SMYD3: variants seen among roughly 807,000 people sequenced by gnomAD.
The protein encoded by SMYD3 is SET and MYND domain containing 3, also known as histone-lysine N-methyltransferase SMYD3.
SMYD3 carries 36 observed loss-of-function variants against 57.7 expected under a neutral mutation model. That is an observed-to-expected ratio of 0.62 (90% confidence interval 0.48 to 0.82). The LOEUF (loss-of-function observed/expected upper bound fraction) is 0.82. Among genes scored for constraint, SMYD3 ranks in the 40% least tolerant of loss-of-function variants. SMYD3 has a pLI of 0.00. For synonymous variants in SMYD3, 211 were observed against 195.0 expected (o/e 1.08, Z -0.68); for missense variants, 515 against 538.8 (o/e 0.96, Z 0.44).
rs2788002 is a variant in SMYD3, at chr1:246,072,097, G to A, written c.532-142160C>T. Among the ~76,000 whole-genome samples, 79 of 41,300 alleles carry A rather than the reference G, an allele frequency of 1.9e-3. 1 individual carries two copies. Among genetic ancestry groups the A allele is most frequent in the African/African-American group, 3.6e-3 (16 of 4,386 alleles). The allele number at this position is 41,300 out of a possible 152,430, so 27.1% of individuals were successfully genotyped here. A position where few individuals can be genotyped will look rare whatever the true frequency, so the allele number is the denominator to read the frequency against. On this transcript the variant is annotated intron_variant, in intron 5 of 11. Transcript: ENST00000490107. ...CTGGGGAGGGATTCGTGTGCTTTCC[G>A]CTGTGCTCACTGTGGATGCATCGTG...
At chr1:245,884,639 T>C (rs1053395325) in intron 8 of SMYD3, among the ~76,000 whole-genome samples, 1 of 152,132 alleles carries the variant, frequency 6.6e-6, no homozygotes, top group African/African-American at 2.4e-5. Flanking sequence ...AAAGGGAAGA[T>C]GGTGCCACTG....
chr1:246,503,631 A>G (rs10924757), intron 1 of SMYD3, among the ~76,000 whole-genome samples: 27,348 of 152,174 alleles, frequency 0.18, 2,589 homozygotes, highest in African/African-American at 0.22. Flanking sequence ...TTCTACCTCC[A>G]TCAAATTAAA....
chr1:245,992,968 C>A (rs1385748534), intron 5 of SMYD3, among the ~76,000 whole-genome samples: 1 of 142,828 alleles, frequency 7.0e-6, no homozygotes. Context: ...GAATGGCGGT[C>A]ATGGGGCCTG....
chr1:246,251,268 A>G (rs897337982), intron 5 of SMYD3, among the ~76,000 whole-genome samples: 2 of 152,248 alleles, frequency 1.3e-5, no homozygotes, highest in African/African-American at 4.8e-5. Flanking sequence ...AAAGGAAAGC[A>G]GCTGGGTTGG....
intron 1 of SMYD3, among the ~76,000 whole-genome samples, chr1:246,361,584 A>C (rs191479397): frequency 2.6e-5 from 4 of 152,330 alleles, no homozygotes; most frequent in Non-Finnish European, 5.9e-5. Flanking sequence ...AAAATGTGGT[A>C]TATATATACA....
rs145316339 is a variant in SMYD3, at chr1:245,774,780, C to G, written c.1077-10631G>C. ...AAGCTGGACTGTACTGCTGCCATCT[C>G]GGCTCACTGCAACCTCCCTGCCTGA... On this transcript the variant is annotated intron_variant, in intron 10 of 11. Transcript: ENST00000490107. 4.4e-5 allele frequency among the ~76,000 whole-genome samples: 6 copies of G among 134,938 alleles called. No homozygotes were observed. The East Asian group carries it at 1.7e-3, about 38-fold the overall frequency. 88.5% of individuals were successfully genotyped at this position (134,938 alleles called of 152,430 possible).
At chr1:246,449,572 G>A (rs1034139507) in intron 1 of SMYD3, among the ~76,000 whole-genome samples, 3 of 152,190 alleles carry the variant, frequency 2.0e-5, no homozygotes, top group Non-Finnish European at 4.4e-5. Flanking sequence ...CTCTTTGAAC[G>A]TGAGACCTGT....
chr1:245,752,037 C>T (rs57696277), intron 11 of SMYD3, among the ~76,000 whole-genome samples: 1 of 152,334 alleles, frequency 6.6e-6, no homozygotes, highest in East Asian at 1.9e-4. Flanking sequence ...TCCTCCGCTG[C>T]TCTGGACATC....
intron 5 of SMYD3, among the ~76,000 whole-genome samples, chr1:246,094,476 G>A (rs1373937828): frequency 6.6e-6 from 1 of 152,162 alleles, no homozygotes; most frequent in Admixed American, 6.5e-5. Flanking sequence ...CAGGATTTAA[G>A]TTTTGTATCA....
chr1:246,269,959 AG>A (rs2064188378), intron 5 of SMYD3, among the ~76,000 whole-genome samples: 1 of 152,192 alleles, frequency 6.6e-6, no homozygotes, highest in Admixed American at 6.5e-5. Flanking sequence ...CTCCAACACC[AG>A]AGACAGAGTT....
intron 1 of SMYD3, among the ~76,000 whole-genome samples, chr1:246,475,979 C>T (rs919055737): frequency 1.3e-5 from 2 of 152,102 alleles, no homozygotes; most frequent in African/African-American, 4.8e-5. Context: ...AGGTTATAAG[C>T]TATCTAGATT....
At chr1:246,205,270 T>C (rs1419226789) in intron 5 of SMYD3, among the ~76,000 whole-genome samples, 1 of 152,250 alleles carries the variant, frequency 6.6e-6, no homozygotes, top group Non-Finnish European at 1.5e-5. Flanking sequence ...GTCATCTCTT[T>C]CTAACAAAGT....
At chr1:246,218,229 T>A (rs58571270) in intron 5 of SMYD3, among the ~76,000 whole-genome samples, 26,183 of 149,870 alleles carry the variant, frequency 0.17, 2,620 homozygotes, top group East Asian at 0.34. Flanking sequence ...GAAAACCTGT[T>A]AAAAAAAAAG....
intron 5 of SMYD3, among the ~76,000 whole-genome samples, chr1:246,267,706 C>T (rs79107188): frequency 0.018 from 2,698 of 152,308 alleles, 78 homozygotes; most frequent in Admixed American, 0.083. Context: ...TCTCTTGCAG[C>T]CCCTTCCTGG....
At chr1:246,430,257 A>G (rs1438413659) in intron 1 of SMYD3, among the ~76,000 whole-genome samples, 1 of 152,256 alleles carries the variant, frequency 6.6e-6, no homozygotes, top group African/African-American at 2.4e-5. Flanking sequence ...GGGCTCAGAA[A>G]AAGGAAAGAT....
intron 10 of SMYD3, among the ~76,000 whole-genome samples, chr1:245,843,268 A>G (rs1257271760): frequency 6.6e-6 from 1 of 152,160 alleles, no homozygotes; most frequent in Non-Finnish European, 1.5e-5. Flanking sequence ...GGACGAGTAA[A>G]GCCAGCCTGG....
rs374212675 is a variant in SMYD3 at position 246,330,465 on chromosome 1, T to G, written c.394+15A>C. On this transcript the variant is annotated intron_variant, in intron 4 of 11. Coordinates refer to ENST00000490107, the MANE Select transcript of SMYD3 (RefSeq NM_001167740.2). Reference sequence around the variant, plus strand: ...TATAGAAACTTTTTTAAGATGCTGATAGACAATCACTTACTTGACTCCAGA... The same window carrying G: ...TATAGAAACTTTTTTAAGATGCTGAGAGACAATCACTTACTTGACTCCAGA... 1 of 1,561,368 alleles carries G rather than the reference T, an allele frequency of 6.4e-7. No homozygotes were observed. Among genetic ancestry groups the G allele is most frequent in the Non-Finnish European group, 8.6e-7 (1 of 1,157,264 alleles).
intron 1 of SMYD3, among the ~76,000 whole-genome samples, chr1:246,470,257 C>T (rs1042973544): frequency 2.6e-5 from 4 of 151,972 alleles, no homozygotes; most frequent in African/African-American, 9.6e-5. Context: ...TTTGGGAGGT[C>T]GAGGCGGGAG....
At chr1:246,048,452 T>C (rs1338418518) in intron 5 of SMYD3, among the ~76,000 whole-genome samples, 2 of 152,136 alleles carry the variant, frequency 1.3e-5, no homozygotes, top group African/African-American at 4.8e-5. Flanking sequence ...CATATTTTAG[T>C]GACAAAAAAG....
Sources: allele counts gnomAD v4.1 joint callset (sites outside exome capture counted in the v4.1 genomes callset), GRCh38; gene constraint gnomAD v4.1.1; transcripts MANE v1.5; gene names NCBI Gene and HGNC (gene_info 2026-07-23, HGNC 2026-07-21).